UNC80: variants seen among roughly 807,000 people sequenced by gnomAD.
UNC80 encodes unc-80 subunit of NALCN channel complex, also known as protein unc-80 homolog.
In UNC80, 164 loss-of-function variants were observed where a neutral mutation model predicts 384.6. The observed-to-expected ratio is 0.43, with a 90% CI of 0.38 to 0.49. The LOEUF is 0.49. Among genes scored for constraint, UNC80 ranks in the 20% least tolerant of loss-of-function variants. The pLI, the probability that UNC80 is intolerant of heterozygous loss-of-function variation, is 0.00. For synonymous variants in UNC80, 1,486 were observed against 1,527.8 expected (o/e 0.97, Z 0.64); for missense variants, 3,330 against 4,143.0 (o/e 0.80, Z 5.39).
chr2:209,817,925 A>C lies in UNC80; in HGVS notation c.1666A>C (p.Ser556Arg), dbSNP rs2153827630. 1 of 1,551,622 alleles carries C rather than the reference A, an allele frequency of 6.4e-7. No individual in the cohort carries two copies. The highest frequency in any genetic ancestry group is 2.4e-5 in the East Asian group (1 of 40,914). The stretch of plus-strand genomic sequence containing the variant: ...AAGCGACCTGCCGGACCCCTCCAAC[A>C]GCCATGGAGAAAACACCGTCAAGGA... ...LVSDLPDPSN[S>R]HGENTVKEVR... Residue 556 changes from serine (S) to arginine (R), a missense_variant, in exon 11 of 65, where the codon AGC (serine) becomes CGC (arginine). Ser to Arg is a moderately radical substitution (Grantham distance 110). This residue lies in a region of UNC80 where 937 missense variants were observed against 1,026.8 expected (regional missense o/e 0.91). Transcript: ENST00000673920.
chr2:209,897,870 G>C (rs894596262), intron 28 of UNC80, among the ~76,000 whole-genome samples: 2 of 152,118 alleles, frequency 1.3e-5, no homozygotes, highest in Non-Finnish European at 2.9e-5. Context: ...TTATGGGAGA[G>C]TTTTAAATTA....
chr2:209,816,809 A>T (rs2079774964), intron 9 of UNC80, 100 bp from the exon 10 acceptor site: 1 of 1,081,172 alleles, frequency 9.2e-7, no homozygotes. Context: ...TCTTCCTGGC[A>T]CATTTCTTGT....
At chr2:209,928,275 G>A (rs913039293) in intron 36 of UNC80, among the ~76,000 whole-genome samples, 25 of 152,186 alleles carry the variant, frequency 1.6e-4, no homozygotes, top group Admixed American at 1.6e-3. Flanking sequence ...GGCAGAGGTT[G>A]CAGTGAGCCG....
chr2:209,852,983 C>T (rs1327957019), intron 22 of UNC80, among the ~76,000 whole-genome samples: 1 of 151,774 alleles, frequency 6.6e-6, no homozygotes, highest in Non-Finnish European at 1.5e-5. Context: ...GGTAGATATG[C>T]AAATGAGGTA....
chr2:209,954,443 G>C, intron 48 of UNC80, 173 bp downstream of exon 48: 1 of 475,638 alleles, frequency 2.1e-6, no homozygotes, highest in Non-Finnish European at 3.5e-6. Context: ...TGAGTTATTT[G>C]AATAAATAAT....
At chr2:209,810,069 C>T (rs951779912) in intron 7 of UNC80, among the ~76,000 whole-genome samples, 3 of 152,130 alleles carry the variant, frequency 2.0e-5, no homozygotes, top group African/African-American at 7.2e-5. Flanking sequence ...ATGGGGCCTT[C>T]GAAGGCGGTG....
chr2:209,868,601 T>C (rs1431196969), intron 22 of UNC80, among the ~76,000 whole-genome samples: 1 of 152,152 alleles, frequency 6.6e-6, no homozygotes, highest in African/African-American at 2.4e-5. Flanking sequence ...AATGATCTTA[T>C]AAAATTCAAG....
intron 60 of UNC80, chr2:209,982,941 T>C (rs1441408352): frequency 6.4e-5 from 2 of 31,264 alleles, no homozygotes; most frequent in Non-Finnish European, 9.7e-5. Context: ...AAACTTCCCA[T>C]GTATATATAT....
chr2:209,894,133 A>G (rs1345518759), intron 26 of UNC80, 30 bp from the exon 27 acceptor site: 3 of 983,646 alleles, frequency 3.0e-6, no homozygotes, highest in East Asian at 1.1e-4. Context: ...ACTAGGGGGG[A>G]AAAAGCCCTA....
chr2:209,971,026 C>A, intron 54 of UNC80, 69 bp downstream of exon 54: 1 of 1,488,368 alleles, frequency 6.7e-7, no homozygotes, highest in South Asian at 1.4e-5. Context: ...ATGGTGTTCT[C>A]GTTTTTTTCT....
chr2:209,971,252 A>G (rs1031086738), intron 54 of UNC80, among the ~76,000 whole-genome samples: 4 of 152,176 alleles, frequency 2.6e-5, no homozygotes, highest in Non-Finnish European at 5.9e-5. Flanking sequence ...TAATCAGCTC[A>G]CAATTGTTAA....
chr2:209,931,973 C>CAGAACCCAG (rs2090914116), intron 38 of UNC80, among the ~76,000 whole-genome samples: 2 of 152,314 alleles, frequency 1.3e-5, no homozygotes, highest in African/African-American at 4.8e-5. Context: ...GTCTCTATAG[C>CAGAACCCAG]TATGTGGAGT....
chr2:209,912,256 CT>C (rs2089034589), intron 29 of UNC80, among the ~76,000 whole-genome samples: 1 of 152,094 alleles, frequency 6.6e-6, no homozygotes, highest in Admixed American at 6.5e-5. Flanking sequence ...TTGTCCTTTC[CT>C]TTTTCTGCTG....
rs376649102 is a variant in UNC80, at chr2:209,928,874, C to T, written c.5807-997C>T. ...CTCTAGTTAGCACTATTCTACTGTC[C>T]ACTTCCGAGAGATCAACTTATTTAG... On this transcript the variant is annotated intron_variant, in intron 36 of 64. Transcript: ENST00000673920. Among the ~76,000 whole-genome samples the T allele has an allele frequency of 1.1e-3, 162 of 152,206 alleles. 1 individual carries two copies. Among genetic ancestry groups the T allele is most frequent in the African/African-American group, 3.8e-3 (156 of 41,520 alleles).
chr2:209,874,021 T>C (rs1337409027), intron 23 of UNC80, among the ~76,000 whole-genome samples: 1 of 152,034 alleles, frequency 6.6e-6, no homozygotes, highest in Non-Finnish European at 1.5e-5. Context: ...AGTAGAACAC[T>C]TTATTAATGC....
At chr2:209,829,407 G>A in intron 15 of UNC80, 28 bp downstream of exon 15, 1 of 1,550,424 alleles carries the variant, frequency 6.4e-7, no homozygotes, top group South Asian at 1.2e-5. Flanking sequence ...CAAGTTCTAG[G>A]AGAAGTCGTT....
chr2:209,820,337 C>T lies in UNC80; in HGVS notation c.1989C>T (p.Val663=). The T allele has an allele frequency of 1.3e-6, 2 of 1,548,454 alleles. No homozygotes were observed. Among genetic ancestry groups the T allele is most frequent in the Non-Finnish European group, 1.7e-6 (2 of 1,145,738 alleles). The change falls in exon 13 of 65, where the codon GTC becomes GTT. Residue 663 remains valine (V), a synonymous_variant. Coordinates refer to ENST00000673920, the MANE Select transcript of UNC80 (RefSeq NM_001371986.1). ...TAGTTCTGAAGGCTGTTTATCTTGT[C>T]CTTAATCATGACATCAGCTCTCGTA... ...LSVVLKAVYL[V]LNHDISSRIC...
At position 209,872,799 on chromosome 2, in the gene UNC80, T is replaced by C. The variant is rs1013477880; in HGVS notation, c.3669T>C (p.Cys1223=). 4 of 1,551,514 alleles carry C rather than the reference T, an allele frequency of 2.6e-6. No homozygotes were observed. The highest frequency in any genetic ancestry group is 3.5e-6 in the Non-Finnish European group (4 of 1,146,832). ...VVARAALFLE[C]ARFVHRCNRG... ...CCAGAGCAGCCTTGTTCCTGGAATG[T>C]GCTCGTTTTGTTCACCGCTGCAACC... Residue 1223 remains cysteine, a synonymous_variant, in exon 23 of 65, where the codon TGT becomes TGC. Coordinates refer to ENST00000673920, the MANE Select transcript of UNC80 (RefSeq NM_001371986.1). This position sits in a 1 kb window ranked among gnomAD's most constrained non-coding sequence, Gnocchi z 4.1.
intron 7 of UNC80, among the ~76,000 whole-genome samples, chr2:209,800,815 C>T (rs2078498662): frequency 6.6e-6 from 1 of 152,090 alleles, no homozygotes; most frequent in Admixed American, 6.6e-5. Context: ...TCATTATTTA[C>T]CCAGGAGTCA....
Sources: allele counts gnomAD v4.1 joint callset (sites outside exome capture counted in the v4.1 genomes callset), GRCh38; gene constraint gnomAD v4.1.1; regional missense constraint gnomAD v4.1.1; non-coding constraint Gnocchi (gnomAD v3.1); transcripts MANE v1.5; gene names NCBI Gene and HGNC (gene_info 2026-07-23, HGNC 2026-07-21).